The following DAB2 variants were observed in gnomAD, a reference collection of about 807,000 sequenced individuals.
The protein encoded by DAB2 is disabled homolog 2.
In DAB2, 28 loss-of-function variants were observed where a neutral mutation model predicts 71.6. That is an observed-to-expected ratio of 0.39 (90% CI 0.29 to 0.54). The LOEUF is 0.54. Ranked by LOEUF, DAB2 falls within the 20% of genes least tolerant of loss-of-function variation. DAB2 has a pLI of 0.68. For missense variants in DAB2, 867 were observed against 928.8 expected (o/e 0.93, Z 0.86); for synonymous variants, 345 against 339.7 (o/e 1.02, Z -0.17).
chr5:39,373,935 C>G (rs574446057), intron 14 of DAB2, among the ~76,000 whole-genome samples: 6 of 152,054 alleles, frequency 3.9e-5, no homozygotes, highest in Non-Finnish European at 5.9e-5. Context: ...AAGAGAAATT[C>G]CTTAGGGCTG....
intron 3 of DAB2, 92 bp downstream of exon 3, chr5:39,393,162 A>T: frequency 7.5e-7 from 1 of 1,326,454 alleles, no homozygotes; most frequent in Non-Finnish European, 1.1e-6. Flanking sequence ...GTTTTCAAGT[A>T]ATTGAACAAT....
chr5:39,400,966 A>G (rs1433453096), intron 1 of DAB2, among the ~76,000 whole-genome samples: 14 of 152,212 alleles, frequency 9.2e-5, no homozygotes, highest in Admixed American at 9.2e-4. Flanking sequence ...GGGGTCCAAG[A>G]GGGCAGCAAA....
intron 1 of DAB2, among the ~76,000 whole-genome samples, chr5:39,395,534 A>G (rs957138286): frequency 6.6e-6 from 1 of 152,184 alleles, no homozygotes; most frequent in African/African-American, 2.4e-5. Context: ...CTCAATTTAA[A>G]TTGCACTTAG....
intron 1 of DAB2, among the ~76,000 whole-genome samples, chr5:39,396,031 C>T (rs1296464835): frequency 6.9e-6 from 1 of 145,322 alleles, no homozygotes; most frequent in African/African-American, 2.5e-5. Context: ...CAACCTCCAC[C>T]TCCCGGGTTC....
intron 9 of DAB2, among the ~76,000 whole-genome samples, chr5:39,383,688 C>T (rs867950138): frequency 1.7e-4 from 26 of 152,200 alleles, no homozygotes; most frequent in African/African-American, 6.3e-4. Flanking sequence ...TAAGTGATTT[C>T]AGAAGCTTAG....
rs572499495 is a variant in DAB2 at position 39,378,670 on chromosome 5, T to A, written c.1505-1388A>T. On this transcript the variant is annotated intron_variant, in intron 11 of 14. Transcript: ENST00000320816. ...CCATTTCACTTAATCAGCATGCTTT[T>A]TGGAGGTGAGGAAACTGGGTGCAAG... Among the ~76,000 whole-genome samples, 6 of 152,224 alleles carry A rather than the reference T, an allele frequency of 3.9e-5. No individual in the cohort carries two copies. In the East Asian group the frequency reaches 9.7e-4, roughly 25 times the overall value.
chr5:39,373,826 T>C (rs1410379957), intron 14 of DAB2, among the ~76,000 whole-genome samples: 1 of 152,220 alleles, frequency 6.6e-6, no homozygotes, highest in Non-Finnish European at 1.5e-5. Flanking sequence ...GTGAGAATGA[T>C]CTCTGGTAAG....
chr5:39,390,705 C>T lies in DAB2; in HGVS notation c.331-130G>A, dbSNP rs1018954236. 6 of 609,578 alleles carry T rather than the reference C, an allele frequency of 9.8e-6. No individual in the cohort carries two copies. In the African/African-American group the frequency reaches 1.1e-4, roughly 12 times the overall value. The allele number at this position is 609,578 out of a possible 1,614,324, so 37.8% of individuals were successfully genotyped here. ...TTAAACCATTTGAAGATAGACTTTT[C>T]ATTTCTGGTTGAAGGCTAGAGCATT... is the stretch of plus-strand genomic sequence containing the variant. On this transcript the variant is annotated intron_variant, in intron 4 of 14. Coordinates refer to ENST00000320816, the MANE Select transcript of DAB2 (RefSeq NM_001343.4).
intron 1 of DAB2, among the ~76,000 whole-genome samples, chr5:39,395,934 A>ATTTTT (rs1561373222): frequency 1.5e-4 from 5 of 32,894 alleles, no homozygotes; most frequent in Non-Finnish European, 2.7e-4. Flanking sequence ...AGACACAGAT[A>ATTTTT]TTCTTTTTTT....
At chr5:39,411,697 G>T (rs907636316) in intron 1 of DAB2, among the ~76,000 whole-genome samples, 1 of 152,134 alleles carries the variant, frequency 6.6e-6, no homozygotes, top group Non-Finnish European at 1.5e-5. Context: ...CCACTATTAA[G>T]TTCCTAATCC....
intron 1 of DAB2, among the ~76,000 whole-genome samples, chr5:39,395,665 A>T: frequency 6.6e-6 from 1 of 152,198 alleles, no homozygotes. Flanking sequence ...CAATCTATGT[A>T]TGAGTAATGT....
rs1201942226 is a variant in DAB2, at chr5:39,382,737, T to C, written c.1222A>G (p.Ile408Val). Residue 408 changes from isoleucine (I) to valine (V), a missense_variant, in exon 10 of 15, where the codon ATA becomes GTA. Physicochemically the swap from Ile to Val is conservative, Grantham distance 29. Around this residue, in one of 2 missense-constraint regions of DAB2, gnomAD observed 740 missense variants for 734.3 expected, o/e 1.01. Coordinates refer to ENST00000320816, the MANE Select transcript of DAB2 (RefSeq NM_001343.4). The part of the protein sequence containing the change: ...FVGSPPKGLS[I>V]QNGVKQDLES... ...AAGTCCTGCTTTACGCCATTCTGTA[T>C]GGACAGTCCTTTGGGAGGGCTTCCC... The C allele has an allele frequency of 6.8e-6, 11 of 1,614,078 alleles. No individual in the cohort carries two copies. Among genetic ancestry groups the C allele is most frequent in the Admixed American group, 3.3e-5 (2 of 59,996 alleles).
At chr5:39,388,519 AG>A (rs1755149733) in intron 8 of DAB2, 152 bp from the exon 9 acceptor site, 15 of 665,668 alleles carry the variant, frequency 2.3e-5, no homozygotes, top group South Asian at 2.1e-4. Flanking sequence ...TGTTTAGGTC[AG>A]GAAGTGTAGA....
At chr5:39,417,848 G>A (rs1755883897) in intron 1 of DAB2, 1 of 152,124 alleles carries the variant, frequency 6.6e-6, no homozygotes, top group South Asian at 2.1e-4. Flanking sequence ...AAGACAGCGT[G>A]GACATTAAAT....
intron 4 of DAB2, 121 bp downstream of exon 4, chr5:39,392,242 AAT>A: frequency 1.4e-6 from 1 of 728,284 alleles, no homozygotes; most frequent in Non-Finnish European, 2.5e-6. Flanking sequence ...CTGGAGATGT[AAT>A]ATATGATATA....
At chr5:39,412,497 T>C (rs936294714) in intron 1 of DAB2, among the ~76,000 whole-genome samples, 5 of 152,152 alleles carry the variant, frequency 3.3e-5, no homozygotes, top group African/African-American at 1.2e-4. Context: ...TAAAGATTTG[T>C]TCCCTTATAT....
chr5:39,411,375 C>T (rs149940110), intron 1 of DAB2, among the ~76,000 whole-genome samples: 1 of 152,200 alleles, frequency 6.6e-6, no homozygotes, highest in East Asian at 1.9e-4. Flanking sequence ...TTCTCTGAAC[C>T]ACTAATGACC....
chr5:39,391,967 A>C (rs1351879005), intron 4 of DAB2, among the ~76,000 whole-genome samples: 1 of 5,790 alleles, frequency 1.7e-4, no homozygotes, highest in Non-Finnish European at 4.7e-4. Context: ...CCCGAGGTCA[A>C]AAAAAAAAAA....
At chr5:39,380,324 C>A (rs1233613715) in intron 11 of DAB2, among the ~76,000 whole-genome samples, 1 of 152,174 alleles carries the variant, frequency 6.6e-6, no homozygotes, top group Non-Finnish European at 1.5e-5. Context: ...TATGATTAAA[C>A]AGATTTCTTG....
Sources: allele counts gnomAD v4.1 joint callset (sites outside exome capture counted in the v4.1 genomes callset), GRCh38; gene constraint gnomAD v4.1.1; regional missense constraint gnomAD v4.1.1; transcripts MANE v1.5; gene names NCBI Gene and HGNC (gene_info 2026-07-23, HGNC 2026-07-21).